The following NCOA2 variants were observed in gnomAD, a reference collection of about 807,000 sequenced individuals.
NCOA2 encodes nuclear receptor coactivator 2, also known as class E basic helix-loop-helix protein 75.
NCOA2 carries 21 observed loss-of-function variants against 145.1 expected under a neutral mutation model. That is an observed-to-expected ratio of 0.14 (90% CI 0.10 to 0.21). The LOEUF (loss-of-function observed/expected upper bound fraction) is 0.21. Ranked by LOEUF, NCOA2 falls within the 10% of genes least tolerant of loss-of-function variation. NCOA2 has a pLI of 1.00. For synonymous variants in NCOA2, 619 were observed against 637.5 expected, an observed-to-expected ratio of 0.97 and a Z score of 0.44; for missense variants, 1,472 against 1,837.6, an observed-to-expected ratio of 0.80 and a Z score of 3.64.
intron 4 of NCOA2, among the ~76,000 whole-genome samples, chr8:70,178,969 T>TA (rs1240941245): frequency 2.0e-5 from 3 of 152,196 alleles, no homozygotes; most frequent in African/African-American, 7.2e-5. Flanking sequence ...AAACTTATAT[T>TA]AGTGGAAATT....
chr8:70,358,049 G>A (rs928505599), intron 1 of NCOA2, among the ~76,000 whole-genome samples: 1 of 150,982 alleles, frequency 6.6e-6, no homozygotes, highest in African/African-American at 2.4e-5. Flanking sequence ...AGACTCAGTC[G>A]CAAAAAAAAC....
Position 70,148,400 on chromosome 8 carries a change from C to A in NCOA2, c.2478G>T (p.Arg826Ser). 3 of 1,613,902 alleles carry A rather than the reference C, an allele frequency of 1.9e-6. No homozygotes were observed. The highest frequency in any genetic ancestry group is 2.5e-6 in the Non-Finnish European group (3 of 1,179,878). ...CAACTGATCCAGCAGGGGCGCCTGG[C>A]CTCGTGTCTGGGAAAAGCTGTGGTA... ...SQLPQLFPDT[R>S]PGAPAGSVDK... The change falls in exon 12 of 23, where the codon AGG (arginine) becomes AGT (serine). Residue 826 changes from arginine to serine, a missense_variant. Physicochemically the swap from Arg to Ser is moderately radical, Grantham distance 110 (BLOSUM62 -1). This residue lies in a region of NCOA2 where 953 missense variants were observed against 1,062.1 expected (regional missense o/e 0.90). Transcript: ENST00000452400.
chr8:70,263,678 G>A (rs921369549), intron 2 of NCOA2, among the ~76,000 whole-genome samples: 11 of 151,666 alleles, frequency 7.3e-5, no homozygotes, highest in African/African-American at 2.7e-4. Context: ...GCAGTGAGCC[G>A]AGATCGCGCC....
chr8:70,350,905 A>C (rs1319550952), intron 1 of NCOA2, among the ~76,000 whole-genome samples: 2 of 152,210 alleles, frequency 1.3e-5, no homozygotes, highest in Admixed American at 1.3e-4. Flanking sequence ...AGACTCAGTA[A>C]TTTATAAAGC....
intron 2 of NCOA2, among the ~76,000 whole-genome samples, chr8:70,257,646 C>T (rs1002923129): frequency 3.3e-5 from 5 of 152,110 alleles, no homozygotes; most frequent in Non-Finnish European, 5.9e-5. Flanking sequence ...GCCAAAACCA[C>T]CCCCGCCCCT....
intron 1 of NCOA2, among the ~76,000 whole-genome samples, chr8:70,355,760 C>G (rs1162917964): frequency 6.6e-6 from 1 of 152,088 alleles, no homozygotes; most frequent in East Asian, 1.9e-4. Context: ...GCTAAGAAAG[C>G]TTTTAAGGCC....
rs1808219314 is a variant in NCOA2, at chr8:70,124,737, C to A, written c.4045G>T (p.Ala1349Ser). Residue 1349 changes from alanine to serine, a missense_variant, in exon 20 of 23, where the codon GCC (alanine) becomes TCC (serine). By Grantham distance (99) the Ala-to-Ser change is moderately conservative. Around this residue, in one of 4 missense-constraint regions of NCOA2, gnomAD observed 232 missense variants for 290.6 expected, o/e 0.80. Transcript: ENST00000452400. ...GCCCATCCATTTATGTCGGAGGGGG[C>A]CTGATAGGCTGGGTTGGCCTGAGAC... ...QQSQANPAYQ[A>S]PSDINGWAQG... 2 of 1,613,090 alleles carry A rather than the reference C, an allele frequency of 1.2e-6. No individual in the cohort carries two copies. The highest frequency in any genetic ancestry group is 2.2e-5 in the East Asian group (1 of 44,844).
chr8:70,115,304 T>C (rs921212502), intron 22 of NCOA2, among the ~76,000 whole-genome samples: 6 of 152,172 alleles, frequency 3.9e-5, no homozygotes. Context: ...ATTGCGTTTC[T>C]GAGGCTTAGA....
At position 70,262,184 on chromosome 8, in the gene NCOA2, TA is replaced by T. The variant is rs541537686; in HGVS notation, c.-20+34559del. On this transcript the variant is annotated intron_variant, in intron 2 of 22. Coordinates refer to ENST00000452400, the MANE Select transcript of NCOA2 (RefSeq NM_006540.4). ...GTGCTAAGCCTAATGGTAAACACTT[TA>T]TATATATCTCCTTTAACAACATCCC... Among the ~76,000 whole-genome samples, 17 of 152,306 alleles carry T rather than the reference TA, an allele frequency of 1.1e-4. No individual in the cohort carries two copies. In the South Asian group the frequency reaches 3.5e-3, roughly 32 times the overall value.
intron 1 of NCOA2, among the ~76,000 whole-genome samples, chr8:70,385,061 C>A (rs1400141944): frequency 6.6e-6 from 1 of 152,156 alleles, no homozygotes; most frequent in Non-Finnish European, 1.5e-5. Flanking sequence ...TTCTGTTACA[C>A]CCTTCAATTG....
chr8:70,410,637 T>G, the NCOA2 span, among the ~76,000 whole-genome samples: 1 of 152,154 alleles, frequency 6.6e-6, no homozygotes, highest in Non-Finnish European at 1.5e-5. Context: ...TTATTCATGA[T>G]AGTGAAAACC....
the NCOA2 span, among the ~76,000 whole-genome samples, chr8:70,445,031 G>C: frequency 6.6e-6 from 1 of 152,088 alleles, no homozygotes; most frequent in Admixed American, 6.6e-5. Context: ...GTATTCAATG[G>C]GTGCTCTCTA....
At chr8:70,312,694 T>A (rs1805233594) in intron 1 of NCOA2, among the ~76,000 whole-genome samples, 1 of 152,200 alleles carries the variant, frequency 6.6e-6, no homozygotes, top group Non-Finnish European at 1.5e-5. Flanking sequence ...TCTGAAAAGG[T>A]AAATTATCTT....
At chr8:70,357,621 G>T (rs1563800798) in intron 1 of NCOA2, among the ~76,000 whole-genome samples, 1 of 152,062 alleles carries the variant, frequency 6.6e-6, no homozygotes, top group Non-Finnish European at 1.5e-5. Context: ...GGCACCTGTA[G>T]TCCCAGCTAC....
At chr8:70,273,530 A>T (rs1209229687) in intron 2 of NCOA2, 1 of 708,194 alleles carries the variant, frequency 1.4e-6, no homozygotes, top group African/African-American at 1.8e-5. Context: ...AATCTCTGGC[A>T]TTGAAGAGGT....
rs1354933056 is a variant in NCOA2 at position 70,111,746 on chromosome 8, T to C, written c.*1886A>G. Reference sequence around the variant, plus strand: ...TAATGCGTACATATAGAGAGAGATATAAGTATAAATAGGGGTAGTTTGTAC... The same window carrying C: ...TAATGCGTACATATAGAGAGAGATACAAGTATAAATAGGGGTAGTTTGTAC... On this transcript the variant is annotated 3_prime_UTR_variant, in exon 23 of 23. Coordinates refer to ENST00000452400, the MANE Select transcript of NCOA2 (RefSeq NM_006540.4). 1.4e-5 allele frequency: 3 copies of C among 218,494 alleles called. No individual in the cohort carries two copies. 13.5% of individuals were successfully genotyped at this position (218,494 alleles called of 1,614,324 possible). A position where few individuals can be genotyped will look rare whatever the true frequency, so the allele number is the denominator to read the frequency against.
At chr8:70,266,516 T>C (rs1290834126) in intron 2 of NCOA2, among the ~76,000 whole-genome samples, 1 of 152,192 alleles carries the variant, frequency 6.6e-6, no homozygotes, top group East Asian at 1.9e-4. Context: ...TCTATATAAA[T>C]GGCTCCCTCT....
chr8:70,336,735 C>T lies in NCOA2; in HGVS notation c.-76-39935G>A, dbSNP rs142218874. ...CCACCCCCATGATACAATCCCCTCC[C>T]ACCAGGCCCCTCCTCCAACATGTGG... On this transcript the variant is annotated intron_variant, in intron 1 of 22. Coordinates refer to ENST00000452400, the MANE Select transcript of NCOA2 (RefSeq NM_006540.4). Among the ~76,000 whole-genome samples, 499 of 152,304 alleles carry T rather than the reference C, an allele frequency of 3.3e-3. 3 individuals are homozygous for T. Among genetic ancestry groups the T allele is most frequent in the African/African-American group, 0.011 (471 of 41,570 alleles).
At chr8:70,294,657 C>T (rs956424035) in intron 2 of NCOA2, among the ~76,000 whole-genome samples, 3 of 152,140 alleles carry the variant, frequency 2.0e-5, no homozygotes, top group Non-Finnish European at 4.4e-5. Flanking sequence ...TCATGTACTA[C>T]AATTGTTGTC....
Sources: gnomAD v4.1 joint callset for allele counts (sites outside exome capture counted in the v4.1 genomes callset) on GRCh38, gnomAD v4.1.1 for gene constraint, gnomAD v4.1.1 regional missense constraint, MANE v1.5 for transcripts, NCBI Gene and HGNC (gene_info 2026-07-23, HGNC 2026-07-21) for gene names.